The following BRIP1 variants were observed in gnomAD, a reference collection of about 807,000 sequenced individuals.
The protein encoded by BRIP1 is BRCA1 interacting DNA helicase 1.
A neutral mutation model predicts 119.7 loss-of-function variants in BRIP1; 88 were observed. That is an observed-to-expected ratio of 0.74 (90% confidence interval 0.62 to 0.88). The LOEUF (loss-of-function observed/expected upper bound fraction) is 0.88. Among genes scored for constraint, BRIP1 ranks in the 40% least tolerant of loss-of-function variants. The pLI is 0.00. For synonymous variants in BRIP1, 443 were observed against 496.5 expected, an observed-to-expected ratio of 0.89 and a Z score of 1.43; for missense variants, 1,259 against 1,455.4, an observed-to-expected ratio of 0.87 and a Z score of 2.20.
In BRIP1 at chr17:61,808,452, A is replaced by T. The variant is rs117820198; in HGVS notation, c.918+15T>A. The stretch of plus-strand genomic sequence containing the variant: ...CAGCCTTATTTTTTCTCTAACACAA[A>T]ATAACTTTACTCACGTTTTTCCCAT... On this transcript the variant is annotated intron_variant, in intron 7 of 19. Coordinates refer to ENST00000259008, the MANE Select transcript of BRIP1 (RefSeq NM_032043.3). This position sits in a 1 kb window ranked among gnomAD's most constrained non-coding sequence, Gnocchi z 4.1. 1,412 of 1,602,738 alleles carry T rather than the reference A, an allele frequency of 8.8e-4. 22 individuals are homozygous for T. In the East Asian group the frequency reaches 0.028, roughly 32 times the overall value.
chr17:61,683,982 C>T lies in BRIP1; in HGVS notation c.3064G>A (p.Glu1022Lys), dbSNP rs587782808. Residue 1022 changes from glutamate (E) to lysine (K), a missense_variant, in exon 20 of 20, where the codon GAG (glutamate) becomes AAG (lysine). Transcript: ENST00000259008. This position sits in a 1 kb window ranked among gnomAD's most constrained non-coding sequence, Gnocchi z 4.7. ...FTGKIPKATP[E>K]LGSSENSASS... The stretch of plus-strand genomic sequence containing the variant: ...GCACTATTCTCTGATGACCCGAGCT[C>T]AGGTGTTGCCTTCGGTATTTTACCA... 42 of 1,614,008 alleles carry T rather than the reference C, an allele frequency of 2.6e-5. No homozygotes were observed. Among genetic ancestry groups the T allele is most frequent in the Non-Finnish European group, 3.5e-5 (41 of 1,180,022 alleles).
At chr17:61,719,139 AC>A (rs2061930551) in intron 16 of BRIP1, among the ~76,000 whole-genome samples, 1 of 151,870 alleles carries the variant, frequency 6.6e-6, no homozygotes, top group South Asian at 2.1e-4. Context: ...ATGTGGAGTT[AC>A]TTTCTTGAAG....
At position 61,748,742 on chromosome 17, in the gene BRIP1, G is replaced by A. The variant is rs1056316897; in HGVS notation, c.2098-4151C>T. Among the ~76,000 whole-genome samples, 7 of 152,188 alleles carry A rather than the reference G, an allele frequency of 4.6e-5. No homozygotes were observed. The highest frequency in any genetic ancestry group is 1.7e-4 in the African/African-American group (7 of 41,452). On this transcript the variant is annotated intron_variant, in intron 14 of 19. Transcript: ENST00000259008. The surrounding 1 kb of genome is among the most constrained non-coding windows in gnomAD (Gnocchi z 4.7). ...GAAAGGACAGTCTCTTCAACAAATAGTTCAGGGCAAACAATATCCACATGC... is the reference window on the plus strand; with the variant it reads ...GAAAGGACAGTCTCTTCAACAAATAATTCAGGGCAAACAATATCCACATGC...
chr17:61,738,330 A>G lies in BRIP1; in HGVS notation c.2379+4683T>C, dbSNP rs1398247730. 6.6e-6 allele frequency among the ~76,000 whole-genome samples: 1 copy of G among 152,186 alleles called. No individual in the cohort carries two copies. The highest frequency in any genetic ancestry group is 1.5e-5 in the Non-Finnish European group (1 of 68,030). On this transcript the variant is annotated intron_variant, in intron 16 of 19. Transcript: ENST00000259008. The surrounding 1 kb of genome is among the most constrained non-coding windows in gnomAD (Gnocchi z 4.2). ...AAGAAATACACTTCCCAGTACATCT[A>G]GTAGTGCTGGTAAATAATTTCACTT...
rs1415994384 is a variant in BRIP1, at chr17:61,726,832, T to A, written c.2380-10769A>T. 6.6e-6 allele frequency among the ~76,000 whole-genome samples: 1 copy of A among 152,208 alleles called. No homozygotes were observed. Among genetic ancestry groups the A allele is most frequent in the Non-Finnish European group, 1.5e-5 (1 of 68,046 alleles). On this transcript the variant is annotated intron_variant, in intron 16 of 19. Coordinates refer to ENST00000259008, the MANE Select transcript of BRIP1 (RefSeq NM_032043.3). The surrounding 1 kb of genome is among the most constrained non-coding windows in gnomAD (Gnocchi z 6.2). ...GAAAGCATAACTATATAAAATATGC[T>A]AGTGGTGTAATCTATGAGAATGAGT...
At position 61,748,716 on chromosome 17, in the gene BRIP1, G is replaced by A. The variant is rs1304203356; in HGVS notation, c.2098-4125C>T. ...CAAGGGTGCCAAAAATACATAATGG[G>A]GAAAGGACAGTCTCTTCAACAAATA... On this transcript the variant is annotated intron_variant, in intron 14 of 19. Coordinates refer to ENST00000259008, the MANE Select transcript of BRIP1 (RefSeq NM_032043.3). The surrounding 1 kb of genome is among the most constrained non-coding windows in gnomAD (Gnocchi z 4.7). Among the ~76,000 whole-genome samples the A allele has an allele frequency of 6.6e-6, 1 of 152,102 alleles. No individual in the cohort carries two copies. The highest frequency in any genetic ancestry group is 6.5e-5 in the Admixed American group (1 of 15,270).
intron 14 of BRIP1, among the ~76,000 whole-genome samples, chr17:61,766,309 T>C (rs894545347): frequency 6.6e-6 from 1 of 152,148 alleles, no homozygotes; most frequent in Non-Finnish European, 1.5e-5. Context: ...ATACTTTTTG[T>C]TTAATAACCA....
chr17:61,847,280 T>C, intron 5 of BRIP1, 60 bp from the exon 6 acceptor site: 1 of 1,586,442 alleles, frequency 6.3e-7, no homozygotes, highest in Non-Finnish European at 8.7e-7. Context: ...TGGCTAGTTG[T>C]TCTCAAAGGC....
At chr17:61,850,792 A>C (rs532824725) in intron 4 of BRIP1, among the ~76,000 whole-genome samples, 5 of 150,710 alleles carry the variant, frequency 3.3e-5, no homozygotes, top group Admixed American at 6.6e-5. Context: ...CGCGCCATGC[A>C]CTCCAGCCTG....
rs560107257 is a variant in BRIP1, at chr17:61,841,260, C to G, written c.627+5841G>C. On this transcript the variant is annotated intron_variant, in intron 6 of 19. Transcript: ENST00000259008. The surrounding 1 kb of genome is among the most constrained non-coding windows in gnomAD (Gnocchi z 4.1). ...AGCTTCTGCACAGCAAAGGAAACAA[C>G]AGAGTATAGAGACAACCTGTAGAAT... Among the ~76,000 whole-genome samples, 1 of 151,868 alleles carries G rather than the reference C, an allele frequency of 6.6e-6. No individual in the cohort carries two copies. Among genetic ancestry groups the G allele is most frequent in the East Asian group, 1.9e-4 (1 of 5,170 alleles).
rs923121143 is a variant in BRIP1, at chr17:61,709,732, A to G, written c.2492+6219T>C. Among the ~76,000 whole-genome samples, 1 of 152,236 alleles carries G rather than the reference A, an allele frequency of 6.6e-6. No individual in the cohort carries two copies. The highest frequency in any genetic ancestry group is 1.5e-5 in the Non-Finnish European group (1 of 68,024). On this transcript the variant is annotated intron_variant, in intron 17 of 19. Coordinates refer to ENST00000259008, the MANE Select transcript of BRIP1 (RefSeq NM_032043.3). This position sits in a 1 kb window ranked among gnomAD's most constrained non-coding sequence, Gnocchi z 5.0. Reference sequence around the variant, plus strand: ...ATTATGCCGGCTTGAGACAAAGATTATACTTTCAGTAAAGCAACAAAGACT... The same window carrying G: ...ATTATGCCGGCTTGAGACAAAGATTGTACTTTCAGTAAAGCAACAAAGACT...
At chr17:61,819,656 AT>A (rs750675353) in intron 6 of BRIP1, among the ~76,000 whole-genome samples, 9 of 152,294 alleles carry the variant, frequency 5.9e-5, no homozygotes, top group Non-Finnish European at 1.0e-4. Flanking sequence ...GTTCTCACTC[AT>A]TTGTGAGAGC....
At position 61,724,543 on chromosome 17, in the gene BRIP1, G is replaced by C. The variant is rs930041864; in HGVS notation, c.2380-8480C>G. On this transcript the variant is annotated intron_variant, in intron 16 of 19. Coordinates refer to ENST00000259008, the MANE Select transcript of BRIP1 (RefSeq NM_032043.3). The surrounding 1 kb of genome is among the most constrained non-coding windows in gnomAD (Gnocchi z 5.1). The stretch of plus-strand genomic sequence containing the variant: ...TAGCTTCTGAAAAAATAAATGGTGT[G>C]ATAAATATGAGCTAGAACTATAAAT... 2.0e-5 allele frequency among the ~76,000 whole-genome samples: 3 copies of C among 152,076 alleles called. No homozygotes were observed. The highest frequency in any genetic ancestry group is 2.0e-4 in the Admixed American group (3 of 15,252).
Position 61,693,810 on chromosome 17 carries a change from C to CT in BRIP1, c.2493-299dup, listed in dbSNP as rs948345520. Among the ~76,000 whole-genome samples, 27 of 151,768 alleles carry CT rather than the reference C, an allele frequency of 1.8e-4. No homozygotes were observed. The highest frequency in any genetic ancestry group is 6.0e-4 in the African/African-American group (25 of 41,448). On this transcript the variant is annotated intron_variant, in intron 17 of 19. Coordinates refer to ENST00000259008, the MANE Select transcript of BRIP1 (RefSeq NM_032043.3). The surrounding 1 kb of genome is among the most constrained non-coding windows in gnomAD (Gnocchi z 4.2). ...CTTTCTTAGCCACATAGACTGTTTTCTTTTTTTTACCTTAAGTATTATAAA... is the reference window on the plus strand; with the variant it reads ...CTTTCTTAGCCACATAGACTGTTTTCTTTTTTTTTACCTTAAGTATTATAAA...
In BRIP1 at chr17:61,775,998, C is replaced by T. The variant is rs1474641132; in HGVS notation, c.2097+403G>A. On this transcript the variant is annotated intron_variant, in intron 14 of 19. Transcript: ENST00000259008. The surrounding 1 kb of genome is among the most constrained non-coding windows in gnomAD (Gnocchi z 4.4). ...TCCTGGGCTCAAGCAATCCTCCCAC[C>T]TCAGCCTCGCAGGTAGCTGGGACTA... is the stretch of plus-strand genomic sequence containing the variant. The T allele has an allele frequency of 4.2e-6, 1 of 235,552 alleles. No homozygotes were observed. The highest frequency in any genetic ancestry group is 1.1e-4 in the East Asian group (1 of 9,416). The allele number at this position is 235,552 out of a possible 1,614,324, so 14.6% of individuals were successfully genotyped here.
At position 61,851,841 on chromosome 17, in the gene BRIP1, G is replaced by A. The variant is rs1053302733; in HGVS notation, c.380-2585C>T. 1.6e-4 allele frequency among the ~76,000 whole-genome samples: 25 copies of A among 152,166 alleles called. No individual in the cohort carries two copies. The highest frequency in any genetic ancestry group is 6.0e-4 in the African/African-American group (25 of 41,442). ...ATAACCACAAAATAAACCTAGATCAGTGATTCTCAACCAGGCCAATTTTAA... is the reference window on the plus strand; with the variant it reads ...ATAACCACAAAATAAACCTAGATCAATGATTCTCAACCAGGCCAATTTTAA... On this transcript the variant is annotated intron_variant, in intron 4 of 19. Coordinates refer to ENST00000259008, the MANE Select transcript of BRIP1 (RefSeq NM_032043.3). This position sits in a 1 kb window ranked among gnomAD's most constrained non-coding sequence, Gnocchi z 4.6.
At chr17:61,797,258 C>G (rs1330538311) in intron 9 of BRIP1, among the ~76,000 whole-genome samples, 1 of 151,284 alleles carries the variant, frequency 6.6e-6, no homozygotes, top group East Asian at 1.9e-4. Context: ...CTGAGGCACC[C>G]CAACATTTAG....
intron 6 of BRIP1, among the ~76,000 whole-genome samples, chr17:61,838,088 T>C (rs1407094865): frequency 6.6e-6 from 1 of 152,142 alleles, no homozygotes; most frequent in East Asian, 1.9e-4. Context: ...TCAAAAGTAA[T>C]GCAACTGCAG....
rs746329838 is a variant in BRIP1, at chr17:61,784,399, T to C, written c.1499A>G (p.Lys500Arg). 8 of 1,613,484 alleles carry C rather than the reference T, an allele frequency of 5.0e-6. No homozygotes were observed. In the Admixed American group the frequency reaches 1.3e-4, roughly 27 times the overall value. The change falls in exon 11 of 20, where the codon AAA becomes AGA. Residue 500 changes from lysine (K) to arginine (R), a missense_variant. Coordinates refer to ENST00000259008, the MANE Select transcript of BRIP1 (RefSeq NM_032043.3). ...LQGHFSAVLQKEEKISPIYGK... is the reference protein window; with the variant it reads ...LQGHFSAVLQREEKISPIYGK... ...ATAAATTGGTGAGATTTTTTCCTCT[T>C]TTTGAAGAACAGCAGAAAAATGTCC...
Sources: gnomAD v4.1 joint callset for allele counts (sites outside exome capture counted in the v4.1 genomes callset) on GRCh38, gnomAD v4.1.1 for gene constraint, Gnocchi (gnomAD v3.1) non-coding constraint, MANE v1.5 for transcripts, NCBI Gene and HGNC (gene_info 2026-07-23, HGNC 2026-07-21) for gene names.